The following PPARG variants were observed in gnomAD, a reference collection of about 807,000 sequenced individuals.
PPARG encodes the protein peroxisome proliferator activated receptor gamma.
Under a neutral mutation model 39.2 loss-of-function variants are expected in PPARG, and 17 were observed. The observed-to-expected ratio is 0.43, with a 90% confidence interval of 0.30 to 0.65. The LOEUF (loss-of-function observed/expected upper bound fraction) is 0.65. Ranked by LOEUF, PPARG falls within the 30% of genes least tolerant of loss-of-function variation. The probability of loss-of-function intolerance (pLI) is 0.13; values close to 1 mark genes in which losing one functional copy is unlikely to be tolerated. For synonymous variants in PPARG, 223 were observed against 215.7 expected (o/e 1.03, Z -0.30); for missense variants, 406 against 585.9 (o/e 0.69, Z 3.17).
At position 12,381,495 on chromosome 3, in the gene PPARG, A is replaced by G. The variant is rs1217998604; in HGVS notation, c.390+4A>G. On this transcript the variant is annotated splice_donor_region_variant and intron_variant, in intron 4 of 7. Coordinates refer to ENST00000651735, the MANE Select transcript of PPARG (RefSeq NM_138711.6). ...TCATGCTTGTGAAGGATGCAAGGTA[A>G]TTAAAAAAAAAGTCTTCAAAGAAAT... 6.2e-7 allele frequency: 1 copy of G among 1,612,812 alleles called. No individual in the cohort carries two copies. Among genetic ancestry groups the G allele is most frequent in the African/African-American group, 1.3e-5 (1 of 74,856 alleles).
At chr3:12,431,716 G>C (rs1216600551) in intron 7 of PPARG, among the ~76,000 whole-genome samples, 1 of 152,136 alleles carries the variant, frequency 6.6e-6, no homozygotes, top group Non-Finnish European at 1.5e-5. Flanking sequence ...GAGGCAGGAG[G>C]ATTGGTTGAG....
intron 1 of PPARG, among the ~76,000 whole-genome samples, chr3:12,306,686 C>A (rs1001228474): frequency 1.3e-5 from 2 of 152,176 alleles, no homozygotes; most frequent in African/African-American, 4.8e-5. Context: ...TAATTCACTG[C>A]AAATCAGCTT....
chr3:12,421,987 A>C (rs2051280249), intron 7 of PPARG, among the ~76,000 whole-genome samples: 2 of 152,188 alleles, frequency 1.3e-5, no homozygotes, highest in African/African-American at 4.8e-5. Context: ...GCATTTATAG[A>C]TCAAAGAGGA....
At chr3:12,392,533 GCCAGT>G in intron 4 of PPARG, 76 bp from the exon 5 acceptor site, 1 of 1,518,584 alleles carries the variant, frequency 6.6e-7, no homozygotes, top group Non-Finnish European at 9.1e-7. Flanking sequence ...TGATTCCCAG[GCCAGT>G]ATACCTTTCG....
At chr3:12,424,700 G>A (rs907111222) in intron 7 of PPARG, among the ~76,000 whole-genome samples, 5 of 152,106 alleles carry the variant, frequency 3.3e-5, no homozygotes, top group African/African-American at 9.7e-5. Context: ...AGAAATCTTC[G>A]GAGGGCTCAC....
chr3:12,411,692 A>G lies in PPARG; in HGVS notation c.730-5012A>G, dbSNP rs375976141. 1.5e-4 allele frequency among the ~76,000 whole-genome samples: 23 copies of G among 152,322 alleles called. No individual in the cohort carries two copies. The East Asian group carries it at 4.1e-3, about 27-fold the overall frequency. On this transcript the variant is annotated intron_variant, in intron 6 of 7. Coordinates refer to ENST00000651735, the MANE Select transcript of PPARG (RefSeq NM_138711.6). Reference sequence around the variant, plus strand: ...TCTGGCTTCCGTTTATCCATTAGTCAGAGAATGATGGGACAGATTACTTCT... The same window carrying G: ...TCTGGCTTCCGTTTATCCATTAGTCGGAGAATGATGGGACAGATTACTTCT...
At chr3:12,346,556 A>G (rs571718664) in intron 2 of PPARG, among the ~76,000 whole-genome samples, 25 of 152,164 alleles carry the variant, frequency 1.6e-4, no homozygotes, top group African/African-American at 3.9e-4. Flanking sequence ...TCTGGCTCCA[A>G]TGTCAGTGTT....
intron 2 of PPARG, among the ~76,000 whole-genome samples, chr3:12,361,041 A>G (rs4135307): frequency 0.019 from 2,879 of 152,246 alleles, 105 homozygotes; most frequent in African/African-American, 0.065. Context: ...TGAGTGTTCT[A>G]GCTCTTCTAC....
chr3:12,381,531 TTA>T (rs1559516774), intron 4 of PPARG, 40 bp downstream of exon 4: 1 of 1,595,386 alleles, frequency 6.3e-7, no homozygotes, highest in Non-Finnish European at 8.6e-7. Flanking sequence ...TGTTGAAACT[TTA>T]TTATTTCATT....
chr3:12,327,154 GAGA>G lies in PPARG; in HGVS notation c.-9+14704_-9+14706del, dbSNP rs527653694. Among the ~76,000 whole-genome samples the G allele has an allele frequency of 1.8e-4, 28 of 152,252 alleles. No individual in the cohort carries two copies. The South Asian group carries it at 5.4e-3, about 29-fold the overall frequency. ...TAGAGTGAAGAGTCAGGTGGTAAAA[GAGA>G]AGGAGACTGGATGTTTGTACCCGGT... On this transcript the variant is annotated intron_variant, in intron 2 of 7. Transcript: ENST00000651735.
chr3:12,360,574 C>CAAAAA (rs11394520), intron 2 of PPARG, among the ~76,000 whole-genome samples: 80 of 126,788 alleles, frequency 6.3e-4, no homozygotes, highest in Admixed American at 1.4e-3. Context: ...AGCACCCAGA[C>CAAAAA]AAAAAAAAAA....
chr3:12,376,043 G>A (rs2049395329), intron 2 of PPARG, among the ~76,000 whole-genome samples: 1 of 151,342 alleles, frequency 6.6e-6, no homozygotes, highest in Admixed American at 6.6e-5. Context: ...TCTCTCTCCT[G>A]GGTTCAAGTG....
chr3:12,312,179 G>A (rs1413256455), intron 1 of PPARG, among the ~76,000 whole-genome samples: 1 of 152,192 alleles, frequency 6.6e-6, no homozygotes, highest in East Asian at 1.9e-4. Context: ...GATTTATGAT[G>A]AATCATTTTG....
At chr3:12,336,773 A>G (rs923412880) in intron 2 of PPARG, among the ~76,000 whole-genome samples, 7 of 152,254 alleles carry the variant, frequency 4.6e-5, no homozygotes, top group African/African-American at 1.7e-4. Context: ...GAAGAAGAAT[A>G]TTTGAACAAA....
intron 2 of PPARG, among the ~76,000 whole-genome samples, chr3:12,338,797 A>G (rs1229172431): frequency 4.6e-5 from 7 of 152,178 alleles, no homozygotes; most frequent in African/African-American, 1.7e-4. Context: ...TCATTTACAT[A>G]TTAAAAGTTT....
chr3:12,426,978 C>G (rs1374409021), intron 7 of PPARG, among the ~76,000 whole-genome samples: 2 of 152,164 alleles, frequency 1.3e-5, no homozygotes, highest in Admixed American at 1.3e-4. Flanking sequence ...AGGTCATACC[C>G]CAGGCAAGTG....
intron 4 of PPARG, among the ~76,000 whole-genome samples, chr3:12,387,666 T>C (rs2959269): frequency 0.4 from 61,003 of 151,428 alleles, 13,529 homozygotes; most frequent in South Asian, 0.66. Context: ...ATTCTGTAGG[T>C]TGCCTGTTCA....
intron 1 of PPARG, among the ~76,000 whole-genome samples, chr3:12,309,784 T>C (rs1156701473): frequency 6.6e-6 from 1 of 152,166 alleles, no homozygotes; most frequent in Admixed American, 6.5e-5. Flanking sequence ...TTGGCCTGCC[T>C]TATTATTTAC....
chr3:12,412,075 C>A (rs1379563135), intron 6 of PPARG, among the ~76,000 whole-genome samples: 1 of 152,184 alleles, frequency 6.6e-6, no homozygotes, highest in Non-Finnish European at 1.5e-5. Flanking sequence ...CTCATTCAAT[C>A]TGCCAAATTA....
Sources: allele counts gnomAD v4.1 joint callset (sites outside exome capture counted in the v4.1 genomes callset), GRCh38; gene constraint gnomAD v4.1.1; transcripts MANE v1.5; gene names NCBI Gene and HGNC (gene_info 2026-07-23, HGNC 2026-07-21).